Variants in PDE1C observed in about 807,000 individuals in gnomAD.
The protein encoded by PDE1C is phosphodiesterase 1C.
In PDE1C, 62 loss-of-function variants were observed where a neutral mutation model predicts 93.1. That is an observed-to-expected ratio of 0.67 (90% CI 0.54 to 0.82). The LOEUF (loss-of-function observed/expected upper bound fraction) is 0.82. Ranked by LOEUF, PDE1C falls within the 40% of genes least tolerant of loss-of-function variation. The pLI is 0.00. For missense variants in PDE1C, 742 were observed against 884.6 expected (o/e 0.84, Z 2.04); for synonymous variants, 325 against 310.1 (o/e 1.05, Z -0.50).
intron 1 of PDE1C, among the ~76,000 whole-genome samples, chr7:32,063,914 T>C (rs1164578519): frequency 6.6e-6 from 1 of 152,202 alleles, no homozygotes; most frequent in Admixed American, 6.5e-5. Flanking sequence ...AGTTTCCTGA[T>C]GGTAAGGATT....
At chr7:32,021,614 A>T (rs1788685454) in intron 2 of PDE1C, among the ~76,000 whole-genome samples, 1 of 152,158 alleles carries the variant, frequency 6.6e-6, no homozygotes, top group Non-Finnish European at 1.5e-5. Flanking sequence ...TATAATTCAG[A>T]GCTGTATTCC....
At chr7:31,971,480 G>T (rs545325791) in intron 2 of PDE1C, among the ~76,000 whole-genome samples, 142 of 152,262 alleles carry the variant, frequency 9.3e-4, no homozygotes, top group African/African-American at 3.3e-3. Flanking sequence ...TCACGCTAGG[G>T]ATGATGCATA....
chr7:32,099,255 TAC>T (rs1457792560), intron 3 of PDE1C, among the ~76,000 whole-genome samples: 1 of 152,234 alleles, frequency 6.6e-6, no homozygotes, highest in Non-Finnish European at 1.5e-5. Flanking sequence ...AAGAAAGTTA[TAC>T]ACAGATTATT....
At chr7:32,362,283 T>TG (rs973503447) in intron 1 of PDE1C, among the ~76,000 whole-genome samples, 3 of 151,878 alleles carry the variant, frequency 2.0e-5, no homozygotes, top group African/African-American at 4.8e-5. Flanking sequence ...ATAAGAGACA[T>TG]GGGGGGAGAA....
intron 17 of PDE1C, among the ~76,000 whole-genome samples, chr7:31,768,795 C>T (rs1795300377): frequency 6.6e-6 from 1 of 151,994 alleles, no homozygotes; most frequent in Admixed American, 6.6e-5. Context: ...ACATACTTCC[C>T]TTAACACTTT....
Position 32,386,885 on chromosome 7 carries a change from T to A in PDE1C, c.310+40937A>T, listed in dbSNP as rs531425132. Among the ~76,000 whole-genome samples, 3 of 150,606 alleles carry A rather than the reference T, an allele frequency of 2.0e-5. No individual in the cohort carries two copies. In the South Asian group the frequency reaches 6.3e-4, roughly 32 times the overall value. On this transcript the variant is annotated intron_variant, in intron 1 of 1. Transcript: ENST00000672256. ...AGAGGACTCATTTTTTTATTTTTAT[T>A]TTTTTTTTTATTGATCATTCTTGGG... is the stretch of plus-strand genomic sequence containing the variant.
At chr7:31,628,700 C>T in the PDE1C span, among the ~76,000 whole-genome samples, 1 of 152,112 alleles carries the variant, frequency 6.6e-6, no homozygotes, top group Non-Finnish European at 1.5e-5. Flanking sequence ...TTGTGATCCG[C>T]CCGCCTCGGC....
At chr7:31,683,358 C>T in the PDE1C span, among the ~76,000 whole-genome samples, 2 of 151,998 alleles carry the variant, frequency 1.3e-5, no homozygotes, top group Non-Finnish European at 2.9e-5. Flanking sequence ...ATTCACCTTG[C>T]CTCTTATTTT....
At chr7:32,174,199 T>C (rs1250502701) in intron 2 of PDE1C, among the ~76,000 whole-genome samples, 1 of 152,168 alleles carries the variant, frequency 6.6e-6, no homozygotes, top group Non-Finnish European at 1.5e-5. Flanking sequence ...CTGATCTAAA[T>C]GAAGGCCTTA....
At position 32,201,036 on chromosome 7, in the gene PDE1C, C is replaced by T. The variant is rs145009952; in HGVS notation, c.136+8453G>A. ...GTGTTACTAGATTCCATGGACTTAA[C>T]AGCACCACCCCCATGCAGCATAGCT... On this transcript the variant is annotated intron_variant, in intron 2 of 18. Transcript: ENST00000396193. 1.4e-4 allele frequency among the ~76,000 whole-genome samples: 21 copies of T among 152,350 alleles called. No individual in the cohort carries two copies. The East Asian group carries it at 4.1e-3, about 29-fold the overall frequency.
chr7:32,275,654 A>G (rs1241907100), intron 1 of PDE1C, among the ~76,000 whole-genome samples: 1 of 151,884 alleles, frequency 6.6e-6, no homozygotes, highest in Non-Finnish European at 1.5e-5. Flanking sequence ...AAAAAAAAAT[A>G]AAACCAAAAA....
chr7:32,217,170 A>G (rs1806497902), intron 1 of PDE1C, among the ~76,000 whole-genome samples: 1 of 152,238 alleles, frequency 6.6e-6, no homozygotes, highest in South Asian at 2.1e-4. Flanking sequence ...CATAGGTAGA[A>G]AATAGCAACA....
intron 14 of PDE1C, among the ~76,000 whole-genome samples, chr7:31,819,463 G>A (rs1788685286): frequency 6.6e-6 from 1 of 152,092 alleles, no homozygotes; most frequent in Admixed American, 6.6e-5. Flanking sequence ...AGTATACAGA[G>A]AATTCACTTT....
At chr7:32,276,571 C>A (rs540473940) in intron 1 of PDE1C, among the ~76,000 whole-genome samples, 5 of 152,112 alleles carry the variant, frequency 3.3e-5, no homozygotes, top group African/African-American at 1.2e-4. Flanking sequence ...GACTGTTCTG[C>A]GTGATGATCA....
the PDE1C span, chr7:31,658,452 T>G: frequency 2.2e-6 from 3 of 1,380,474 alleles, no homozygotes; most frequent in Non-Finnish European, 2.8e-6. Context: ...TCGAACAAAA[T>G]AGAACATTTG....
chr7:31,769,850 A>G (rs892073942), intron 17 of PDE1C, among the ~76,000 whole-genome samples: 1 of 152,224 alleles, frequency 6.6e-6, no homozygotes, highest in African/African-American at 2.4e-5. Flanking sequence ...TGTAAATGGA[A>G]TAATACAATA....
chr7:31,944,293 A>G (rs1000406668), intron 2 of PDE1C, among the ~76,000 whole-genome samples: 3 of 152,308 alleles, frequency 2.0e-5, no homozygotes, highest in Non-Finnish European at 4.4e-5. Context: ...CTTAATAAAT[A>G]TACTGCATGT....
chr7:32,255,911 A>T (rs1281529343), intron 1 of PDE1C, among the ~76,000 whole-genome samples: 1 of 152,156 alleles, frequency 6.6e-6, no homozygotes, highest in African/African-American at 2.4e-5. Flanking sequence ...GGGAAAGAGG[A>T]CACATCGAAT....
intron 1 of PDE1C, among the ~76,000 whole-genome samples, chr7:32,261,013 G>C (rs894199445): frequency 1.3e-5 from 2 of 152,162 alleles, no homozygotes. Context: ...AGGATGCTGA[G>C]GCAGGAGAAT....
Sources: gnomAD v4.1 joint callset for allele counts (sites outside exome capture counted in the v4.1 genomes callset) on GRCh38, gnomAD v4.1.1 for gene constraint, MANE v1.5 for transcripts, NCBI Gene and HGNC (gene_info 2026-07-23, HGNC 2026-07-21) for gene names.